The following UBE2E2 variants were observed in gnomAD, a reference collection of about 807,000 sequenced individuals.
UBE2E2 encodes ubiquitin conjugating enzyme E2 E2.
UBE2E2 carries 6 observed loss-of-function variants against 24.7 expected under a neutral mutation model. That is an observed-to-expected ratio of 0.24 (90% confidence interval 0.13 to 0.48). The LOEUF is 0.48. UBE2E2 is among the 20% of genes least tolerant of loss of function. UBE2E2 has a pLI of 0.99. For synonymous variants in UBE2E2, 104 were observed against 83.6 expected (o/e 1.24, Z -1.33); for missense variants, 169 against 245.0 (o/e 0.69, Z 2.07).
chr3:23,539,056 T>C (rs1444852324), intron 5 of UBE2E2, among the ~76,000 whole-genome samples: 1 of 152,146 alleles, frequency 6.6e-6, no homozygotes, highest in Non-Finnish European at 1.5e-5. Context: ...GATTCCCTAG[T>C]TGTGAAACAA....
chr3:23,585,093 C>T (rs949398374), intron 5 of UBE2E2, among the ~76,000 whole-genome samples: 1 of 152,038 alleles, frequency 6.6e-6, no homozygotes, highest in South Asian at 2.1e-4. Context: ...TGCCATGATG[C>T]TGGCTTGGAG....
chr3:23,323,941 A>G (rs756511908), intron 3 of UBE2E2, among the ~76,000 whole-genome samples: 1 of 152,162 alleles, frequency 6.6e-6, no homozygotes, highest in Non-Finnish European at 1.5e-5. Context: ...TCACTTCTCC[A>G]TGGCCTTGAA....
intron 3 of UBE2E2, among the ~76,000 whole-genome samples, chr3:23,253,350 T>TGATA (rs1451644843): frequency 1.3e-5 from 2 of 152,144 alleles, no homozygotes; most frequent in African/African-American, 4.8e-5. Context: ...ATGATGACTG[T>TGATA]GATAGGTAAA....
At chr3:23,446,283 C>T (rs570325022) in intron 3 of UBE2E2, among the ~76,000 whole-genome samples, 1 of 152,220 alleles carries the variant, frequency 6.6e-6, no homozygotes, top group Non-Finnish European at 1.5e-5. Context: ...ATGTTCTCAG[C>T]ATGGCCTGGA....
chr3:23,442,072 G>A (rs967431794), intron 3 of UBE2E2, among the ~76,000 whole-genome samples: 2 of 152,048 alleles, frequency 1.3e-5, no homozygotes, highest in African/African-American at 4.8e-5. Context: ...TATGTGGCCT[G>A]TGTAATACAT....
chr3:23,203,452 A>C lies in UBE2E2; in HGVS notation c.-21A>C, dbSNP rs1301402328. The C allele has an allele frequency of 8.8e-5, 82 of 931,132 alleles. No individual in the cohort carries two copies. The Admixed American group carries it at 1.2e-3, about 14-fold the overall frequency. The allele number at this position is 931,132 out of a possible 1,614,324, so 57.7% of individuals were successfully genotyped here. A position where few individuals can be genotyped will look rare whatever the true frequency, so the allele number is the denominator to read the frequency against. On this transcript the variant is annotated 5_prime_UTR_variant, in exon 1 of 6. Transcript: ENST00000396703. ...GCTCGAGCCTGCGACCTGCACGGACACCCCCCCCTCAGGTATTCGCTCGGG... is the reference window on the plus strand; with the variant it reads ...GCTCGAGCCTGCGACCTGCACGGACCCCCCCCCCTCAGGTATTCGCTCGGG...
At chr3:23,337,194 A>G (rs1695235258) in intron 3 of UBE2E2, among the ~76,000 whole-genome samples, 1 of 152,118 alleles carries the variant, frequency 6.6e-6, no homozygotes. Flanking sequence ...TATTTTCAGC[A>G]TTAGCTAGGC....
At position 23,304,925 on chromosome 3, in the gene UBE2E2, G is replaced by C. The variant is rs115406363; in HGVS notation, c.227+87613G>C. 1.7e-3 allele frequency among the ~76,000 whole-genome samples: 259 copies of C among 151,752 alleles called. 1 individual carries two copies. Among genetic ancestry groups the C allele is most frequent in the African/African-American group, 6.0e-3 (250 of 41,346 alleles). On this transcript the variant is annotated intron_variant, in intron 3 of 5. Transcript: ENST00000396703. ...GTGAATCTTACCCATGGATGATTTT[G>C]TAATATCAAGTATTGGTCATTTGGA...
intron 3 of UBE2E2, among the ~76,000 whole-genome samples, chr3:23,399,596 G>T (rs960510877): frequency 3.3e-5 from 5 of 152,052 alleles, no homozygotes; most frequent in Admixed American, 3.3e-4. Flanking sequence ...TTTATTTCTG[G>T]AATTTTTCAT....
chr3:23,384,455 C>G (rs1398386987), intron 3 of UBE2E2, among the ~76,000 whole-genome samples: 1 of 152,094 alleles, frequency 6.6e-6, no homozygotes, highest in Non-Finnish European at 1.5e-5. Context: ...TGAGCCACTG[C>G]GCCTGACCTT....
At chr3:23,217,235 A>G (rs1368005711) in intron 2 of UBE2E2, 27 bp from the exon 3 acceptor site, 18 of 1,594,730 alleles carry the variant, frequency 1.1e-5, no homozygotes, top group Non-Finnish European at 1.2e-5. Context: ...TATTTTTAAC[A>G]TAATGTTCTT....
chr3:23,220,209 A>G (rs1241892088), intron 3 of UBE2E2, among the ~76,000 whole-genome samples: 1 of 152,200 alleles, frequency 6.6e-6, no homozygotes, highest in Non-Finnish European at 1.5e-5. Flanking sequence ...ATAAACAAAT[A>G]TTATTTTAAA....
intron 5 of UBE2E2, among the ~76,000 whole-genome samples, chr3:23,548,548 A>G (rs1695572629): frequency 6.6e-6 from 1 of 152,160 alleles, no homozygotes; most frequent in African/African-American, 2.4e-5. Flanking sequence ...TACTTCTTTA[A>G]GACAGAACTT....
chr3:23,330,309 C>A (rs971919400), intron 3 of UBE2E2, among the ~76,000 whole-genome samples: 1 of 152,164 alleles, frequency 6.6e-6, no homozygotes, highest in South Asian at 2.1e-4. Flanking sequence ...TAGCATACTT[C>A]CAGGCTTTAG....
At chr3:23,258,836 T>G (rs1203745977) in intron 3 of UBE2E2, among the ~76,000 whole-genome samples, 1 of 140,708 alleles carries the variant, frequency 7.1e-6, no homozygotes. Flanking sequence ...GAGCTTGCAT[T>G]GAGCTGAGAT....
At chr3:23,568,146 G>T (rs980626655) in intron 5 of UBE2E2, among the ~76,000 whole-genome samples, 15 of 152,266 alleles carry the variant, frequency 9.9e-5, no homozygotes, top group Middle Eastern at 3.4e-3. Context: ...AAACCACTGG[G>T]TTATTTTTAT....
In UBE2E2 at chr3:23,499,707, C is replaced by G. The variant is rs1699678532; in HGVS notation, c.327C>G (p.Thr109=). The G allele has an allele frequency of 8.7e-6, 14 of 1,613,856 alleles. No individual in the cohort carries two copies. Among genetic ancestry groups the G allele is most frequent in the Non-Finnish European group, 1.2e-5 (14 of 1,179,882 alleles). Residue 109 remains threonine, a synonymous_variant, in exon 4 of 6, where the codon ACC becomes ACG. Transcript: ENST00000396703. ...YEGGVFFLDI[T]FSPDYPFKPP... is the part of the protein sequence containing the mutation. The stretch of plus-strand genomic sequence containing the variant: ...GAGGGGTGTTCTTTCTTGACATTAC[C>G]TTTTCACCAGACTATCCGTTTAAAC...
chr3:23,425,716 G>A (rs537665015), intron 3 of UBE2E2, among the ~76,000 whole-genome samples: 28 of 152,188 alleles, frequency 1.8e-4, no homozygotes, highest in Admixed American at 6.5e-4. Context: ...AAACTTTAGG[G>A]GTGACGAGTC....
Position 23,529,789 on chromosome 3 carries a change from G to C in UBE2E2, c.361-2765G>C, listed in dbSNP as rs530378390. Among the ~76,000 whole-genome samples, 10 of 152,300 alleles carry C rather than the reference G, an allele frequency of 6.6e-5. No individual in the cohort carries two copies. In the East Asian group the frequency reaches 1.9e-3, roughly 29 times the overall value. On this transcript the variant is annotated intron_variant, in intron 4 of 5. Coordinates refer to ENST00000396703, the MANE Select transcript of UBE2E2 (RefSeq NM_152653.4). ...AGAGAAATTTTAATATCACGAGATA[G>C]TCTCTGTTTCATTAACTTAGGCTAG...
Sources: gnomAD v4.1 joint callset for allele counts (sites outside exome capture counted in the v4.1 genomes callset) on GRCh38, gnomAD v4.1.1 for gene constraint, MANE v1.5 for transcripts, NCBI Gene and HGNC (gene_info 2026-07-23, HGNC 2026-07-21) for gene names.